Variants in NEK7 observed in about 807,000 individuals in gnomAD.
The protein encoded by NEK7 is serine/threonine-protein kinase Nek7.
NEK7 carries 18 observed loss-of-function variants against 44.6 expected under a neutral mutation model. The ratio of observed to expected loss-of-function variants is 0.40; its 90% CI spans 0.28 to 0.60. The LOEUF (loss-of-function observed/expected upper bound fraction) is 0.60. NEK7 is among the 20% of genes least tolerant of loss of function. NEK7 has a pLI of 0.38. For missense variants in NEK7, 256 were observed against 366.5 expected, an observed-to-expected ratio of 0.70 and a Z score of 2.46; for synonymous variants, 130 against 121.1, an observed-to-expected ratio of 1.07 and a Z score of -0.48.
intron 1 of NEK7, among the ~76,000 whole-genome samples, chr1:198,170,464 A>C (rs185149463): frequency 1.1e-4 from 17 of 152,336 alleles, no homozygotes. Flanking sequence ...TTGACTGAGT[A>C]TACTTAAATT....
intron 2 of NEK7, among the ~76,000 whole-genome samples, chr1:198,249,549 T>C (rs144781171): frequency 0.34 from 51,099 of 151,856 alleles, 9,842 homozygotes; most frequent in East Asian, 0.8. Flanking sequence ...CTCTCCAGCA[T>C]CTGTTGTTTC....
intron 9 of NEK7, among the ~76,000 whole-genome samples, chr1:198,316,824 A>G (rs1458756384): frequency 6.6e-6 from 1 of 152,234 alleles, no homozygotes; most frequent in Non-Finnish European, 1.5e-5. Context: ...GGCAAAAAGA[A>G]AGAACAAAAG....
intron 1 of NEK7, among the ~76,000 whole-genome samples, chr1:198,173,670 C>G (rs1361215621): frequency 8.9e-6 from 1 of 112,994 alleles, no homozygotes; most frequent in Non-Finnish European, 1.7e-5. Flanking sequence ...TGGATTTTCA[C>G]AGATTCAGGT....
chr1:198,238,351 G>T lies in NEK7; in HGVS notation c.57+5714G>T, dbSNP rs995879438. 3.9e-5 allele frequency among the ~76,000 whole-genome samples: 6 copies of T among 152,102 alleles called. No homozygotes were observed. In the South Asian group the frequency reaches 6.2e-4, roughly 16 times the overall value. On this transcript the variant is annotated intron_variant, in intron 2 of 9. Transcript: ENST00000367385. ...ACTTCTCCTTTTTCAGAGGGGCAAG[G>T]GGCGGGGTGGGGTGAGGAACCACAG...
intron 1 of NEK7, among the ~76,000 whole-genome samples, chr1:198,204,054 G>A (rs1665516652): frequency 6.6e-6 from 1 of 152,100 alleles, no homozygotes; most frequent in Non-Finnish European, 1.5e-5. Flanking sequence ...GCCAGGATTT[G>A]AGACTGGCCT....
At chr1:198,197,989 C>T (rs1320856390) in intron 1 of NEK7, 4 of 1,524,974 alleles carry the variant, frequency 2.6e-6, no homozygotes, top group African/African-American at 1.4e-5. Context: ...GGATTGGCAT[C>T]CTGGATACCC....
At chr1:198,204,741 AACTCAGGT>A (rs1402939566) in intron 1 of NEK7, among the ~76,000 whole-genome samples, 2 of 151,166 alleles carry the variant, frequency 1.3e-5, no homozygotes, top group Non-Finnish European at 2.9e-5. Context: ...AAAAAAAAGA[AACTCAGGT>A]ATTTCATTTA....
At chr1:198,273,055 G>A (rs1571594200) in intron 5 of NEK7, among the ~76,000 whole-genome samples, 2 of 151,712 alleles carry the variant, frequency 1.3e-5, no homozygotes, top group South Asian at 2.1e-4. Context: ...TAACTTTTGG[G>A]AATGAATTGA....
At chr1:198,175,707 C>T (rs1664585421) in intron 1 of NEK7, among the ~76,000 whole-genome samples, 1 of 152,118 alleles carries the variant, frequency 6.6e-6, no homozygotes, top group South Asian at 2.1e-4. Context: ...CATTCTGTGT[C>T]CACAGTTAAC....
intron 2 of NEK7, among the ~76,000 whole-genome samples, chr1:198,246,944 T>A (rs180775775): frequency 6.6e-6 from 1 of 152,358 alleles, no homozygotes; most frequent in Admixed American, 6.5e-5. Flanking sequence ...TAAACAATTC[T>A]TAGGAAATCA....
chr1:198,159,916 T>C lies in NEK7; in HGVS notation c.-29+2640T>C, dbSNP rs187664925. ...TGCAGTTACAGTTTGTGTAAATAAGTACTTAATCTCATAAGGACCTCATGC... is the reference window on the plus strand; with the variant it reads ...TGCAGTTACAGTTTGTGTAAATAAGCACTTAATCTCATAAGGACCTCATGC... On this transcript the variant is annotated intron_variant, in intron 1 of 9. Transcript: ENST00000367385. Among the ~76,000 whole-genome samples, 52 of 152,348 alleles carry C rather than the reference T, an allele frequency of 3.4e-4. 1 individual carries two copies. The highest frequency in any genetic ancestry group is 6.8e-3 in the Middle Eastern group (2 of 294).
intron 5 of NEK7, among the ~76,000 whole-genome samples, chr1:198,276,447 A>G (rs1654021257): frequency 6.6e-6 from 1 of 151,604 alleles, no homozygotes; most frequent in Non-Finnish European, 1.5e-5. Flanking sequence ...GTTTATTTGG[A>G]CTCATTCCAA....
At position 198,320,740 on chromosome 1, in the gene NEK7, T is replaced by C. The variant is rs1010713950; in HGVS notation, c.*1218T>C. On this transcript the variant is annotated 3_prime_UTR_variant, in exon 10 of 10. Coordinates refer to ENST00000367385, the MANE Select transcript of NEK7 (RefSeq NM_133494.3). Reference sequence around the variant, plus strand: ...ACAGTTACAATTTATTTGACAAGGTTGTAATTCTAGAATATGCTTAATAAA... The same window carrying C: ...ACAGTTACAATTTATTTGACAAGGTCGTAATTCTAGAATATGCTTAATAAA... The C allele has an allele frequency of 6.6e-6, 1 of 152,170 alleles. No individual in the cohort carries two copies. Among genetic ancestry groups the C allele is most frequent in the African/African-American group, 2.4e-5 (1 of 41,448 alleles). The allele number at this position is 152,170 out of a possible 1,614,324, so 9.4% of individuals were successfully genotyped here.
At chr1:198,241,673 T>C (rs1666688363) in intron 2 of NEK7, among the ~76,000 whole-genome samples, 1 of 152,208 alleles carries the variant, frequency 6.6e-6, no homozygotes, top group African/African-American at 2.4e-5. Flanking sequence ...GAAGTCATAT[T>C]GGCTGGGATC....
At chr1:198,306,888 A>G (rs1290960105) in intron 9 of NEK7, among the ~76,000 whole-genome samples, 1 of 152,162 alleles carries the variant, frequency 6.6e-6, no homozygotes, top group Non-Finnish European at 1.5e-5. Context: ...TAGTTATTTC[A>G]TAAATACCAA....
intron 1 of NEK7, chr1:198,207,221 G>A (rs188804603): frequency 6.6e-6 from 1 of 152,168 alleles, no homozygotes; most frequent in Non-Finnish European, 1.5e-5. Flanking sequence ...AGACCACAAA[G>A]AAGGTATGTG....
At chr1:198,280,352 A>G (rs553986592) in intron 7 of NEK7, among the ~76,000 whole-genome samples, 37 of 152,172 alleles carry the variant, frequency 2.4e-4, no homozygotes, top group African/African-American at 7.9e-4. Flanking sequence ...TTCTGTCACT[A>G]GTTTAGTTAG....
At chr1:198,218,737 CAA>C (rs57115639) in intron 1 of NEK7, among the ~76,000 whole-genome samples, 29,806 of 141,070 alleles carry the variant, frequency 0.21, 3,511 homozygotes, top group African/African-American at 0.33. Flanking sequence ...AAAAGATTGG[CAA>C]AAAAAAAAAG....
intron 3 of NEK7, among the ~76,000 whole-genome samples, chr1:198,257,326 G>A (rs1383742015): frequency 6.6e-6 from 1 of 152,040 alleles, no homozygotes; most frequent in Admixed American, 6.6e-5. Context: ...TTGCTTTAAA[G>A]TATTTTTCAA....
Sources: allele counts gnomAD v4.1 joint callset (sites outside exome capture counted in the v4.1 genomes callset), GRCh38; gene constraint gnomAD v4.1.1; transcripts MANE v1.5; gene names NCBI Gene and HGNC (gene_info 2026-07-23, HGNC 2026-07-21).